TTYH3: variants seen among roughly 807,000 people sequenced by gnomAD.
TTYH3 encodes the protein tweety family member 3, also known as protein tweety homolog 3.
A neutral mutation model predicts 68.2 loss-of-function variants in TTYH3; 23 were observed. That is an observed-to-expected ratio of 0.34 (90% CI 0.24 to 0.48). TTYH3 has a LOEUF of 0.48. Ranked by LOEUF, TTYH3 falls within the 20% of genes least tolerant of loss-of-function variation. The pLI is 0.99. For missense variants in TTYH3, 768 were observed against 727.7 expected (o/e 1.06, Z -0.64); for synonymous variants, 360 against 332.8 (o/e 1.08, Z -0.89).
At chr7:2,647,801 C>A in intron 4 of TTYH3, 158 bp from the exon 5 acceptor site, 1 of 1,079,178 alleles carries the variant, frequency 9.3e-7, no homozygotes. Flanking sequence ...TAATGGGAGC[C>A]TTTCTCAAGA....
At chr7:2,643,482 G>A (rs1295989227) in intron 1 of TTYH3, among the ~76,000 whole-genome samples, 1 of 152,208 alleles carries the variant, frequency 6.6e-6, no homozygotes, top group Admixed American at 6.5e-5. Flanking sequence ...CTGAGTGCCT[G>A]TGTTCCCTCA....
intron 8 of TTYH3, 78 bp from the exon 9 acceptor site, chr7:2,652,840 C>T: frequency 8.2e-7 from 1 of 1,213,354 alleles, no homozygotes. Context: ...GCTGGTGTCC[C>T]CGCGTTGGAG....
intron 1 of TTYH3, among the ~76,000 whole-genome samples, chr7:2,639,638 G>A (rs1562707953): frequency 6.6e-6 from 1 of 152,234 alleles, no homozygotes; most frequent in Non-Finnish European, 1.5e-5. Flanking sequence ...GTCAGTGTGG[G>A]GACTCCGTCC....
At chr7:2,660,519 C>T (rs1003182898) in intron 13 of TTYH3, 4 of 985,228 alleles carry the variant, frequency 4.1e-6, no homozygotes, top group African/African-American at 1.7e-5. Flanking sequence ...TGCTTGGGCT[C>T]CTTCAGGGGT....
At chr7:2,637,684 G>A (rs1042427617) in intron 1 of TTYH3, among the ~76,000 whole-genome samples, 1 of 152,170 alleles carries the variant, frequency 6.6e-6, no homozygotes, top group East Asian at 1.9e-4. Context: ...GCCTGACGTG[G>A]CCACCGGGGA....
At chr7:2,634,090 C>T (rs557505179) in intron 1 of TTYH3, among the ~76,000 whole-genome samples, 1 of 152,332 alleles carries the variant, frequency 6.6e-6, no homozygotes, top group South Asian at 2.1e-4. Flanking sequence ...CTCTCTCCTG[C>T]CTCATCTCCA....
intron 1 of TTYH3, among the ~76,000 whole-genome samples, chr7:2,639,826 C>T (rs901676071): frequency 2.6e-5 from 4 of 152,180 alleles, no homozygotes; most frequent in African/African-American, 7.2e-5. Flanking sequence ...GGAGCTGGCA[C>T]GAGGGGCGGG....
chr7:2,658,596 C>A, intron 12 of TTYH3, 137 bp downstream of exon 12: 2 of 1,076,808 alleles, frequency 1.9e-6, no homozygotes, highest in Non-Finnish European at 1.3e-6. Flanking sequence ...GCCTTGAGTG[C>A]CTCCTGCCCC....
In TTYH3 at chr7:2,664,070, GCC is replaced by G. The variant is rs1021522236; in HGVS notation, c.*2335_*2336del. ...CTCACCCTGCACAGGGGGTCTTGCA[GCC>G]CCCAGGCCCACAGCCTCGTTGGGAG... On this transcript the variant is annotated 3_prime_UTR_variant, in exon 14 of 14. Coordinates refer to ENST00000258796, the MANE Select transcript of TTYH3 (RefSeq NM_025250.3). 2 of 152,630 alleles carry G rather than the reference GCC, an allele frequency of 1.3e-5. No individual in the cohort carries two copies. The highest frequency in any genetic ancestry group is 4.8e-5 in the African/African-American group (2 of 41,580). 9.5% of individuals were successfully genotyped at this position (152,630 alleles called of 1,614,324 possible).
intron 7 of TTYH3, among the ~76,000 whole-genome samples, 179 bp downstream of exon 7, chr7:2,650,167 G>A (rs1786127854): frequency 6.6e-6 from 1 of 152,250 alleles, no homozygotes; most frequent in Admixed American, 6.5e-5. Context: ...GGGAGGCTCT[G>A]CAAAGAATGA....
At chr7:2,649,720 C>G (rs1167883666) in intron 6 of TTYH3, 81 bp downstream of exon 6, 3 of 1,520,440 alleles carry the variant, frequency 2.0e-6, no homozygotes, top group Non-Finnish European at 1.8e-6. Flanking sequence ...CACTCCTCTC[C>G]CCTCCCATCT....
intron 13 of TTYH3, chr7:2,659,889 C>A: frequency 7.8e-7 from 1 of 1,280,256 alleles, no homozygotes; most frequent in Non-Finnish European, 1.0e-6. Flanking sequence ...GTTGAGGCCA[C>A]ACTCTCTCTC....
chr7:2,652,909 C>T lies in TTYH3; in HGVS notation c.928-9C>T. 1 of 1,556,626 alleles carries T rather than the reference C, an allele frequency of 6.4e-7. No individual in the cohort carries two copies. On this transcript the variant is annotated splice_polypyrimidine_tract_variant and intron_variant, in intron 8 of 13. Transcript: ENST00000258796. Reference sequence around the variant, plus strand: ...AGCGCCCATGGACTTGGTCTCCTCTCTGGAGCAGAAGCTGTCGGGCAGCCA... The same window carrying T: ...AGCGCCCATGGACTTGGTCTCCTCTTTGGAGCAGAAGCTGTCGGGCAGCCA...
chr7:2,650,205 C>T (rs1200460972), intron 7 of TTYH3, among the ~76,000 whole-genome samples: 8 of 152,146 alleles, frequency 5.3e-5, no homozygotes, highest in Non-Finnish European at 7.4e-5. Context: ...GGCGGGTGCC[C>T]GCGTGGCAGG....
At chr7:2,651,913 C>G (rs1027085657) in intron 7 of TTYH3, among the ~76,000 whole-genome samples, 1 of 152,080 alleles carries the variant, frequency 6.6e-6, no homozygotes, top group Non-Finnish European at 1.5e-5. Flanking sequence ...GACACACATG[C>G]GAAGACATGT....
intron 13 of TTYH3, chr7:2,660,134 GCTGGGGCTCCAT>G (rs996743101): frequency 5.0e-5 from 61 of 1,217,338 alleles, no homozygotes; most frequent in Non-Finnish European, 6.4e-5. Context: ...TCGGCACTGA[GCTGGGGCTCCAT>G]CTGTCCGGCT....
chr7:2,657,362 GTGA>G (rs1272966404), intron 11 of TTYH3, among the ~76,000 whole-genome samples: 3 of 151,790 alleles, frequency 2.0e-5, no homozygotes, highest in Non-Finnish European at 4.4e-5. Flanking sequence ...GGTGATGATG[GTGA>G]TGGTGGTGGT....
chr7:2,648,185 C>T (rs1056668219), intron 5 of TTYH3, 131 bp downstream of exon 5: 3 of 827,444 alleles, frequency 3.6e-6, no homozygotes, highest in African/African-American at 1.7e-5. Flanking sequence ...AGCGGGACCC[C>T]CCTGCACTGG....
At position 2,632,093 on chromosome 7, in the gene TTYH3, G is replaced by T. The variant is rs1352768390; in HGVS notation, c.-63G>T. The T allele has an allele frequency of 1.5e-5, 18 of 1,232,052 alleles. No homozygotes were observed. Among genetic ancestry groups the T allele is most frequent in the East Asian group, 3.3e-5 (1 of 30,744 alleles). The allele number at this position is 1,232,052 out of a possible 1,614,324, so 76.3% of individuals were successfully genotyped here. A position where few individuals can be genotyped will look rare whatever the true frequency, so the allele number is the denominator to read the frequency against. On this transcript the variant is annotated 5_prime_UTR_variant, in exon 1 of 14. Coordinates refer to ENST00000258796, the MANE Select transcript of TTYH3 (RefSeq NM_025250.3). ...GGGTCGACGGGTCCCTGAAGCCCGC[G>T]CCCCGGGCCAGCAAGGGAGCCCCGC...
Sources: allele counts gnomAD v4.1 joint callset (sites outside exome capture counted in the v4.1 genomes callset), GRCh38; gene constraint gnomAD v4.1.1; transcripts MANE v1.5; gene names NCBI Gene and HGNC (gene_info 2026-07-23, HGNC 2026-07-21).